Variants in IGSF10 observed in about 807,000 individuals in gnomAD.
The protein encoded by IGSF10 is immunoglobulin superfamily member 10.
IGSF10 carries 126 observed loss-of-function variants against 128.2 expected under a neutral mutation model. That is an observed-to-expected ratio of 0.98 (90% CI 0.85 to 1.14). IGSF10 has a LOEUF of 1.14. IGSF10 is among the 50% of genes most tolerant of loss of function. IGSF10 has a pLI of 0.00. For missense variants in IGSF10, 3,295 were observed against 3,149.8 expected, an observed-to-expected ratio of 1.05 and a Z score of -1.10; for synonymous variants, 1,185 against 1,146.2, an observed-to-expected ratio of 1.03 and a Z score of -0.68.
rs768260632 is a variant in IGSF10 at position 151,438,371 on chromosome 3, C to T, written c.6190G>A (p.Gly2064Ser). 1.2e-5 allele frequency: 19 copies of T among 1,614,010 alleles called. No homozygotes were observed. Among genetic ancestry groups the T allele is most frequent in the East Asian group, 8.9e-5 (4 of 44,890 alleles). Residue 2064 changes from glycine to serine, a missense_variant, in exon 8 of 8, where the codon GGC becomes AGC. By Grantham distance (56) the Gly-to-Ser change is moderately conservative (BLOSUM62 0). Transcript: ENST00000282466. The stretch of plus-strand genomic sequence containing the variant: ...CAAGATATCTCTGGCACTGGGGAGC[C>T]GGAAGCTTTGCAATCTACTTGGAAA... Reference protein sequence around the residue: ...KDFQVDCKASGSPVPEISWSL... With the variant: ...KDFQVDCKASSSPVPEISWSL...
the IGSF10 span, among the ~76,000 whole-genome samples, chr3:151,609,147 G>A: frequency 6.6e-6 from 1 of 152,158 alleles, no homozygotes; most frequent in Non-Finnish European, 1.5e-5. Flanking sequence ...AATACATGGG[G>A]GAAAGGGGAG....
At chr3:151,511,805 G>A in the IGSF10 span, among the ~76,000 whole-genome samples, 1 of 152,080 alleles carries the variant, frequency 6.6e-6, no homozygotes, top group African/African-American at 2.4e-5. Context: ...AAAAGGAGAA[G>A]TTGTAATCCT....
chr3:151,617,326 T>C, the IGSF10 span, among the ~76,000 whole-genome samples: 1 of 138,896 alleles, frequency 7.2e-6, no homozygotes, highest in African/African-American at 2.7e-5. Flanking sequence ...CTTCCCCTCC[T>C]CCTCCTCCCC....
At chr3:151,605,552 G>A in the IGSF10 span, among the ~76,000 whole-genome samples, 1 of 152,084 alleles carries the variant, frequency 6.6e-6, no homozygotes, top group African/African-American at 2.4e-5. Context: ...AAATTCTAGT[G>A]CGATTAATTT....
At chr3:151,490,465 T>C in the IGSF10 span, among the ~76,000 whole-genome samples, 1 of 150,656 alleles carries the variant, frequency 6.6e-6, no homozygotes, top group African/African-American at 2.4e-5. Context: ...ATAGATCAAT[T>C]AGACAGAAAA....
Position 151,446,546 on chromosome 3 carries a change from A to G in IGSF10, c.3435T>C (p.Tyr1145=), listed in dbSNP as rs1721200315. Residue 1145 remains tyrosine, a synonymous_variant, in exon 6 of 8, where the codon TAT becomes TAC. Transcript: ENST00000282466. The part of the protein sequence containing the change: ...QVTPTGAVMT[Y]APTSIPMEKT... ...TTTCCATGGGTATGGATGTTGGAGC[A>G]TATGTCATGACTGCACCAGTTGGAG... 2 of 1,614,126 alleles carry G rather than the reference A, an allele frequency of 1.2e-6. No homozygotes were observed. The highest frequency in any genetic ancestry group is 8.5e-7 in the Non-Finnish European group (1 of 1,179,970).
At position 151,446,063 on chromosome 3, in the gene IGSF10, T is replaced by G; in HGVS notation, c.3918A>C (p.Ser1306=). 6.2e-7 allele frequency: 1 copy of G among 1,614,152 alleles called. No individual in the cohort carries two copies. Among genetic ancestry groups the G allele is most frequent in the Non-Finnish European group, 8.5e-7 (1 of 1,180,026 alleles). Residue 1306 remains serine, a synonymous_variant, in exon 6 of 8, where the codon TCA becomes TCC. Coordinates refer to ENST00000282466, the MANE Select transcript of IGSF10 (RefSeq NM_178822.5). The stretch of plus-strand genomic sequence containing the variant: ...GCGTTGATATGATGCTTTTTGTACT[T>G]GAGTCTTTGCTTATAATACTAGGAA... ...PMLPSIISKD[S]STKSIISTQT... is the part of the protein sequence containing the mutation.
At chr3:151,595,146 A>G in the IGSF10 span, among the ~76,000 whole-genome samples, 1 of 152,204 alleles carries the variant, frequency 6.6e-6, no homozygotes, top group Non-Finnish European at 1.5e-5. Context: ...ATAAATAGGA[A>G]TCCTTGCACA....
the IGSF10 span, among the ~76,000 whole-genome samples, chr3:151,547,774 C>T: frequency 6.6e-6 from 1 of 152,102 alleles, no homozygotes. Context: ...CCTGATATTG[C>T]ATGTCTGAAA....
At position 151,447,618 on chromosome 3, in the gene IGSF10, T is replaced by G; in HGVS notation, c.2363A>C (p.Asn788Thr). 1 of 1,614,092 alleles carries G rather than the reference T, an allele frequency of 6.2e-7. No individual in the cohort carries two copies. Among genetic ancestry groups the G allele is most frequent in the Non-Finnish European group, 8.5e-7 (1 of 1,180,010 alleles). The change falls in exon 6 of 8, where the codon AAC becomes ACC. Residue 788 changes from asparagine (N) to threonine (T), a missense_variant. Coordinates refer to ENST00000282466, the MANE Select transcript of IGSF10 (RefSeq NM_178822.5). ...SPPPVVTQLP[N>T]IPGEEDDSSG... The stretch of plus-strand genomic sequence containing the variant: ...GGAATCGTCTTCTTCACCAGGTATG[T>G]TTGGGAGTTGGGTGACCACTGGGGG...
At chr3:151,461,544 T>A, upstream of IGSF10, 1 of 585,996 alleles carries the variant, frequency 1.7e-6, no homozygotes, top group Non-Finnish European at 2.1e-6. Flanking sequence ...ATGGTTACTA[T>A]AGTGAAACAA....
the IGSF10 span, among the ~76,000 whole-genome samples, chr3:151,611,120 T>C: frequency 6.6e-6 from 1 of 152,322 alleles, no homozygotes; most frequent in Admixed American, 6.5e-5. Flanking sequence ...TGGATTGTTA[T>C]AAATCAAGTT....
intron 5 of IGSF10, among the ~76,000 whole-genome samples, chr3:151,451,530 T>C (rs994867089): frequency 6.6e-6 from 1 of 152,228 alleles, no homozygotes; most frequent in African/African-American, 2.4e-5. Context: ...AAAAAGTGCC[T>C]AATTCTGTGA....
the IGSF10 span, among the ~76,000 whole-genome samples, chr3:151,582,299 G>GGC: frequency 9.3e-6 from 1 of 108,030 alleles, no homozygotes; most frequent in Non-Finnish European, 1.8e-5. Flanking sequence ...ATCCGGGGGG[G>GGC]GGGGCGGGAA....
At chr3:151,574,759 T>C in the IGSF10 span, among the ~76,000 whole-genome samples, 1 of 152,334 alleles carries the variant, frequency 6.6e-6, no homozygotes, top group Non-Finnish European at 1.5e-5. Context: ...CTTTGTTCCA[T>C]TGCTGGTGAG....
the IGSF10 span, among the ~76,000 whole-genome samples, chr3:151,527,014 A>G: frequency 6.6e-6 from 1 of 152,052 alleles, no homozygotes; most frequent in African/African-American, 2.4e-5. Flanking sequence ...CTTTTTGTTG[A>G]CCTAACCTAA....
chr3:151,551,268 T>C, the IGSF10 span, among the ~76,000 whole-genome samples: 1 of 152,156 alleles, frequency 6.6e-6, no homozygotes, highest in South Asian at 2.1e-4. Flanking sequence ...TCCTATTTAA[T>C]TTATTATTAT....
chr3:151,435,992 G>A (rs542053128), downstream of IGSF10: 3 of 152,212 alleles, frequency 2.0e-5, no homozygotes, highest in East Asian at 3.9e-4. Flanking sequence ...AAGTTTCATT[G>A]TATTTTTAAA....
At chr3:151,511,451 A>C in the IGSF10 span, among the ~76,000 whole-genome samples, 1 of 152,228 alleles carries the variant, frequency 6.6e-6, no homozygotes, top group Non-Finnish European at 1.5e-5. Flanking sequence ...GCCCTAAAAG[A>C]GCTCCTGAAG....
Sources: gnomAD v4.1 joint callset for allele counts (sites outside exome capture counted in the v4.1 genomes callset) on GRCh38, gnomAD v4.1.1 for gene constraint, MANE v1.5 for transcripts, NCBI Gene and HGNC (gene_info 2026-07-23, HGNC 2026-07-21) for gene names.